The following ANKS1B variants were observed in gnomAD, a reference collection of about 807,000 sequenced individuals.
ANKS1B encodes the protein ankyrin repeat and sterile alpha motif domain containing 1B, also known as ankyrin repeat and sterile alpha motif domain-containing protein 1B.
In ANKS1B, 36 loss-of-function variants were observed where a neutral mutation model predicts 148.3. The observed-to-expected ratio is 0.24, with a 90% confidence interval of 0.19 to 0.32. The LOEUF is 0.32. Among genes scored for constraint, ANKS1B ranks in the 10% least tolerant of loss-of-function variants. The probability of loss-of-function intolerance (pLI) is 1.00; values close to 1 mark genes in which losing one functional copy is unlikely to be tolerated. For synonymous variants in ANKS1B, 542 were observed against 560.8 expected, an observed-to-expected ratio of 0.97 and a Z score of 0.47; for missense variants, 1,157 against 1,542.6, an observed-to-expected ratio of 0.75 and a Z score of 4.19.
At chr12:99,493,014 C>G (rs116106086) in intron 10 of ANKS1B, among the ~76,000 whole-genome samples, 1 of 152,078 alleles carries the variant, frequency 6.6e-6, no homozygotes. Context: ...TCCTATTTCA[C>G]GTAGTATTGG....
chr12:98,889,970 C>A (rs971505880), intron 17 of ANKS1B, among the ~76,000 whole-genome samples: 1 of 151,880 alleles, frequency 6.6e-6, no homozygotes, highest in Admixed American at 6.6e-5. Context: ...TTAAAGAGGA[C>A]GTGTGATTGG....
Position 99,007,104 on chromosome 12 carries a change from T to C in ANKS1B, c.2778+46053A>G, listed in dbSNP as rs564202998. Among the ~76,000 whole-genome samples, 3 of 152,344 alleles carry C rather than the reference T, an allele frequency of 2.0e-5. No homozygotes were observed. The East Asian group carries it at 5.8e-4, about 29-fold the overall frequency. ...TTCTCTTGCTTTTGCTCTGCTGTTA[T>C]TGTTGTTCTCCAGATAAGTCCCATT... On this transcript the variant is annotated intron_variant, in intron 17 of 26. Transcript: ENST00000683438.
intron 8 of ANKS1B, among the ~76,000 whole-genome samples, chr12:99,762,413 C>T (rs1039967733): frequency 6.6e-6 from 1 of 150,914 alleles, no homozygotes; most frequent in Admixed American, 6.6e-5. Flanking sequence ...TCTAATCTTC[C>T]ACAAAAATAA....
chr12:99,483,965 A>C (rs891104893), intron 10 of ANKS1B, among the ~76,000 whole-genome samples: 2 of 151,620 alleles, frequency 1.3e-5, no homozygotes, highest in African/African-American at 4.8e-5. Context: ...TATTTCATTA[A>C]TCTCTTATAT....
intron 17 of ANKS1B, among the ~76,000 whole-genome samples, chr12:98,990,480 A>G (rs1284892827): frequency 1.3e-5 from 2 of 151,518 alleles, no homozygotes; most frequent in Non-Finnish European, 2.9e-5. Context: ...ATAACCTGGC[A>G]TTAGGGTGTA....
At chr12:99,784,479 ACTTT>A (rs1401981303) in intron 4 of ANKS1B, among the ~76,000 whole-genome samples, 1 of 152,028 alleles carries the variant, frequency 6.6e-6, no homozygotes, top group Non-Finnish European at 1.5e-5. Context: ...GCCCCTGAAC[ACTTT>A]CATAATCATT....
At chr12:98,926,425 A>G (rs933960481) in intron 17 of ANKS1B, among the ~76,000 whole-genome samples, 1 of 152,156 alleles carries the variant, frequency 6.6e-6, no homozygotes, top group African/African-American at 2.4e-5. Context: ...AGGGAGGAAT[A>G]TGAATTCCAG....
intron 12 of ANKS1B, among the ~76,000 whole-genome samples, chr12:99,383,771 G>T (rs1276254983): frequency 6.6e-6 from 1 of 151,444 alleles, no homozygotes; most frequent in Non-Finnish European, 1.5e-5. Context: ...CCAGCACTTT[G>T]GGAGGCTGAG....
At chr12:99,302,647 C>A (rs546074537) in intron 12 of ANKS1B, among the ~76,000 whole-genome samples, 1 of 152,016 alleles carries the variant, frequency 6.6e-6, no homozygotes, top group African/African-American at 2.4e-5. Context: ...AAGAATCTTC[C>A]TAATTCCCCT....
intron 7 of ANKS1B, 77 bp from the exon 8 acceptor site, chr12:99,773,165 G>T: frequency 2.5e-6 from 3 of 1,201,940 alleles, no homozygotes; most frequent in Non-Finnish European, 3.5e-6. Flanking sequence ...AAATATGACT[G>T]CTATGGTGAT....
At chr12:99,385,108 C>T (rs1013080613) in intron 12 of ANKS1B, among the ~76,000 whole-genome samples, 3 of 121,258 alleles carry the variant, frequency 2.5e-5, no homozygotes, top group East Asian at 1.9e-4. Flanking sequence ...TATGAACATA[C>T]GACATCAGCT....
At chr12:99,385,563 T>C (rs1352503460) in intron 12 of ANKS1B, among the ~76,000 whole-genome samples, 1 of 152,238 alleles carries the variant, frequency 6.6e-6, no homozygotes, top group East Asian at 1.9e-4. Flanking sequence ...TCAGGTTCAC[T>C]TCAAATTTAA....
intron 8 of ANKS1B, among the ~76,000 whole-genome samples, chr12:99,721,422 T>C (rs1050667271): frequency 2.6e-5 from 4 of 152,124 alleles, no homozygotes; most frequent in Admixed American, 6.5e-5. Flanking sequence ...GATGACATTC[T>C]ACCACAAAAG....
chr12:99,686,960 T>C (rs988715767), intron 8 of ANKS1B, among the ~76,000 whole-genome samples: 1 of 152,174 alleles, frequency 6.6e-6, no homozygotes, highest in Non-Finnish European at 1.5e-5. Context: ...GAGCAAACTT[T>C]CCATCTGATA....
chr12:99,387,942 C>T (rs2093936807), intron 12 of ANKS1B, among the ~76,000 whole-genome samples: 1 of 151,844 alleles, frequency 6.6e-6, no homozygotes, highest in Non-Finnish European at 1.5e-5. Context: ...GAGCCATGAA[C>T]TCTAAGAACA....
chr12:99,894,332 AG>A (rs1281743986), intron 1 of ANKS1B, among the ~76,000 whole-genome samples: 7 of 120,524 alleles, frequency 5.8e-5, no homozygotes, highest in Non-Finnish European at 1.3e-4. Flanking sequence ...AGGGAGGGAA[AG>A]AAAAGAAAAG....
At chr12:99,449,804 A>G (rs1298930243) in intron 10 of ANKS1B, among the ~76,000 whole-genome samples, 3 of 152,166 alleles carry the variant, frequency 2.0e-5, no homozygotes, top group African/African-American at 7.2e-5. Context: ...TGGTAGGGAC[A>G]GAATTTAGTT....
chr12:98,759,076 C>T (rs376477439), intron 25 of ANKS1B, among the ~76,000 whole-genome samples: 5 of 152,072 alleles, frequency 3.3e-5, no homozygotes, highest in South Asian at 2.1e-4. Flanking sequence ...CCACTGTGCC[C>T]GGCCTGGGAT....
intron 14 of ANKS1B, among the ~76,000 whole-genome samples, chr12:99,174,596 T>A (rs1038427040): frequency 6.6e-6 from 1 of 152,108 alleles, no homozygotes; most frequent in Non-Finnish European, 1.5e-5. Flanking sequence ...AGACTTAATC[T>A]TGGTGGTATT....
Sources: gnomAD v4.1 joint callset for allele counts (sites outside exome capture counted in the v4.1 genomes callset) on GRCh38, gnomAD v4.1.1 for gene constraint, MANE v1.5 for transcripts, NCBI Gene and HGNC (gene_info 2026-07-23, HGNC 2026-07-21) for gene names.